The following PTPRD variants were observed in gnomAD, a reference collection of about 807,000 sequenced individuals.
The protein encoded by PTPRD is protein tyrosine phosphatase receptor type D, also known as receptor-type tyrosine-protein phosphatase delta.
A neutral mutation model predicts 214.5 loss-of-function variants in PTPRD; 34 were observed. That is an observed-to-expected ratio of 0.16 (90% confidence interval 0.12 to 0.21). The LOEUF is 0.21. Ranked by LOEUF, PTPRD falls within the 10% of genes least tolerant of loss-of-function variation. The probability of loss-of-function intolerance (pLI) is 1.00; values close to 1 mark genes in which losing one functional copy is unlikely to be tolerated. For missense variants in PTPRD, 2,545 were observed against 2,398.7 expected (o/e 1.06, Z -1.27); for synonymous variants, 1,128 against 845.7 (o/e 1.33, Z -5.79).
chr9:9,104,342 T>C (rs1030723709), intron 10 of PTPRD, among the ~76,000 whole-genome samples: 2 of 152,270 alleles, frequency 1.3e-5, no homozygotes, highest in African/African-American at 4.8e-5. Flanking sequence ...AATGTAAAAA[T>C]CATTTTTAGA....
At chr9:9,405,549 G>C (rs765481138) in intron 8 of PTPRD, among the ~76,000 whole-genome samples, 1 of 152,014 alleles carries the variant, frequency 6.6e-6, no homozygotes, top group Non-Finnish European at 1.5e-5. Flanking sequence ...ACATTAGCCT[G>C]GGTAAATCTA....
chr9:9,393,086 C>G (rs1266466191), intron 9 of PTPRD, among the ~76,000 whole-genome samples: 2 of 152,110 alleles, frequency 1.3e-5, no homozygotes. Flanking sequence ...TCCTTTTTTA[C>G]CCAATAAATT....
At position 10,530,575 on chromosome 9, in the gene PTPRD, C is replaced by T. The variant is rs1254620480; in HGVS notation, c.-600+81823G>A. On this transcript the variant is annotated intron_variant, in intron 2 of 45. Transcript: ENST00000381196. ...GATCCCAGTGCTGATTCAGGGAAAG[C>T]ATACAATGAGCCTGCAATAGTGAGC... 2.0e-5 allele frequency among the ~76,000 whole-genome samples: 3 copies of T among 152,038 alleles called. No homozygotes were observed. In the East Asian group the frequency reaches 5.8e-4, roughly 29 times the overall value.
At chr9:9,627,932 T>C (rs1311709495) in intron 7 of PTPRD, among the ~76,000 whole-genome samples, 1 of 152,184 alleles carries the variant, frequency 6.6e-6, no homozygotes, top group Non-Finnish European at 1.5e-5. Flanking sequence ...AACCAAAACC[T>C]ATATTTTACA....
chr9:9,199,189 T>C (rs889295995), intron 9 of PTPRD, among the ~76,000 whole-genome samples: 1 of 152,164 alleles, frequency 6.6e-6, no homozygotes, highest in East Asian at 1.9e-4. Context: ...ACCTAGGGTA[T>C]TTTGTAATAT....
intron 11 of PTPRD, among the ~76,000 whole-genome samples, chr9:8,751,267 T>C (rs907951891): frequency 6.6e-6 from 1 of 152,186 alleles, no homozygotes; most frequent in Non-Finnish European, 1.5e-5. Flanking sequence ...GTACCTGACA[T>C]TAGTTCTCAT....
chr9:9,988,156 CATA>C (rs1294339450), intron 4 of PTPRD, among the ~76,000 whole-genome samples: 2 of 152,090 alleles, frequency 1.3e-5, no homozygotes, highest in Admixed American at 6.5e-5. Flanking sequence ...ATTATGCAAA[CATA>C]ATGATTAAAT....
Position 8,500,779 on chromosome 9 carries a change from G to T in PTPRD, c.2103C>A (p.Ser701=), listed in dbSNP as rs756214335. 2 of 1,614,060 alleles carry T rather than the reference G, an allele frequency of 1.2e-6. No individual in the cohort carries two copies. Among genetic ancestry groups the T allele is most frequent in the South Asian group, 2.2e-5 (2 of 91,076 alleles). ...TDVGPGPESL[S]VLIRTNEDVP... is the part of the protein sequence containing the mutation. Reference sequence around the variant, plus strand: ...CATCTTCATTGGTTCGAATCAACACGGACAAGCTCTCAGGGCCAGGGCCGA... The same window carrying T: ...CATCTTCATTGGTTCGAATCAACACTGACAAGCTCTCAGGGCCAGGGCCGA... The change falls in exon 24 of 46, where the codon TCC becomes TCA. Residue 701 remains serine, a synonymous_variant. Transcript: ENST00000381196.
At chr9:8,503,847 CTG>C (rs1048018720) in intron 23 of PTPRD, among the ~76,000 whole-genome samples, 3 of 152,150 alleles carry the variant, frequency 2.0e-5, no homozygotes, top group African/African-American at 7.2e-5. Flanking sequence ...AAGCTAAAGC[CTG>C]TGTGCTTAAA....
chr9:8,942,392 T>C (rs1182283882), intron 11 of PTPRD, among the ~76,000 whole-genome samples: 7 of 152,206 alleles, frequency 4.6e-5, no homozygotes, highest in African/African-American at 1.7e-4. Context: ...CTGTTTCACC[T>C]CGTAGTTGAC....
chr9:8,804,328 T>C (rs2096630693), intron 11 of PTPRD, among the ~76,000 whole-genome samples: 1 of 151,898 alleles, frequency 6.6e-6, no homozygotes, highest in African/African-American at 2.4e-5. Flanking sequence ...CCAAGCACAG[T>C]GGCTCACACT....
intron 11 of PTPRD, among the ~76,000 whole-genome samples, chr9:8,789,654 G>T (rs2096141254): frequency 6.6e-6 from 1 of 151,666 alleles, no homozygotes; most frequent in Non-Finnish European, 1.5e-5. Context: ...TAAACTGCTA[G>T]TACCTTATTA....
At chr9:10,024,279 CTT>C (rs1297672976) in intron 4 of PTPRD, among the ~76,000 whole-genome samples, 4 of 152,094 alleles carry the variant, frequency 2.6e-5, no homozygotes, top group Non-Finnish European at 2.9e-5. Flanking sequence ...TAAATAGAGA[CTT>C]ATAAATTCTA....
chr9:9,085,728 C>T (rs1591359034), intron 10 of PTPRD, among the ~76,000 whole-genome samples: 1 of 151,880 alleles, frequency 6.6e-6, no homozygotes, highest in Non-Finnish European at 1.5e-5. Flanking sequence ...TATACAGGGT[C>T]AAATGCATCT....
intron 12 of PTPRD, among the ~76,000 whole-genome samples, chr9:8,661,119 T>C (rs2097038862): frequency 1.3e-5 from 2 of 152,070 alleles, no homozygotes; most frequent in South Asian, 2.1e-4. Context: ...TATCTATAAA[T>C]ACCCTGCTCT....
intron 11 of PTPRD, among the ~76,000 whole-genome samples, chr9:8,897,740 T>C (rs2154248436): frequency 6.6e-6 from 1 of 152,218 alleles, no homozygotes; most frequent in South Asian, 2.1e-4. Flanking sequence ...CAACCTGAGA[T>C]ATGGGGGGCA....
At chr9:9,166,028 G>T (rs1370109957) in intron 10 of PTPRD, among the ~76,000 whole-genome samples, 2 of 151,320 alleles carry the variant, frequency 1.3e-5, no homozygotes, top group African/African-American at 4.9e-5. Context: ...ACAATTGTCT[G>T]TCCCTATGTA....
At chr9:9,819,410 A>C (rs767384399) in intron 5 of PTPRD, among the ~76,000 whole-genome samples, 21 of 152,178 alleles carry the variant, frequency 1.4e-4, no homozygotes, top group Non-Finnish European at 2.8e-4. Context: ...GATATGATTC[A>C]CCTTTGGTTT....
chr9:9,132,735 T>C (rs1471806187), intron 10 of PTPRD, among the ~76,000 whole-genome samples: 1 of 152,244 alleles, frequency 6.6e-6, no homozygotes, highest in Non-Finnish European at 1.5e-5. Context: ...CTGTAGGCAA[T>C]GTTGCAGATT....
Sources: gnomAD v4.1 joint callset for allele counts (sites outside exome capture counted in the v4.1 genomes callset) on GRCh38, gnomAD v4.1.1 for gene constraint, MANE v1.5 for transcripts, NCBI Gene and HGNC (gene_info 2026-07-23, HGNC 2026-07-21) for gene names.